Variants in AOPEP observed in about 807,000 individuals in gnomAD.
AOPEP encodes the protein aminopeptidase O (putative).
A neutral mutation model predicts 98.1 loss-of-function variants in AOPEP; 77 were observed. That is an observed-to-expected ratio of 0.78 (90% CI 0.65 to 0.95). The LOEUF is 0.95. AOPEP is among the 40% of genes least tolerant of loss of function. The pLI, the probability that AOPEP is intolerant of heterozygous loss-of-function variation, is 0.00. For synonymous variants in AOPEP, 346 were observed against 365.3 expected (o/e 0.95, Z 0.60); for missense variants, 1,024 against 1,024.7 (o/e 1.00, Z 0.01).
At chr9:95,092,291 A>G in the AOPEP span, among the ~76,000 whole-genome samples, 1 of 152,054 alleles carries the variant, frequency 6.6e-6, no homozygotes, top group South Asian at 2.1e-4. Flanking sequence ...GAGCTGCTGT[A>G]AAGACCAGAG....
intron 5 of AOPEP, among the ~76,000 whole-genome samples, chr9:94,815,538 T>C (rs766006298): frequency 2.6e-5 from 4 of 152,122 alleles, no homozygotes; most frequent in Non-Finnish European, 2.9e-5. Flanking sequence ...GCCTCAGTTA[T>C]GGCCATTATG....
intron 1 of AOPEP, among the ~76,000 whole-genome samples, chr9:94,747,255 T>C (rs1200582741): frequency 6.6e-6 from 1 of 152,218 alleles, no homozygotes; most frequent in African/African-American, 2.4e-5. Context: ...CATGTGGTAA[T>C]CCTGCAAAGT....
chr9:94,976,786 C>T (rs1203007492), intron 10 of AOPEP, among the ~76,000 whole-genome samples: 1 of 152,100 alleles, frequency 6.6e-6, no homozygotes, highest in Non-Finnish European at 1.5e-5. Context: ...CCCACCTCAG[C>T]CTCCCAAATA....
chr9:94,899,703 T>C (rs1456062466), intron 5 of AOPEP, among the ~76,000 whole-genome samples: 1 of 151,814 alleles, frequency 6.6e-6, no homozygotes, highest in Non-Finnish European at 1.5e-5. Flanking sequence ...TGAGCCATGA[T>C]CGCACCACTG....
intron 6 of AOPEP, among the ~76,000 whole-genome samples, chr9:94,925,719 G>A (rs973257486): frequency 6.6e-6 from 1 of 152,228 alleles, no homozygotes; most frequent in Non-Finnish European, 1.5e-5. Flanking sequence ...AGTCCTGTGA[G>A]GAGAGGCCAC....
chr9:94,758,539 G>A (rs1837556126), intron 1 of AOPEP, among the ~76,000 whole-genome samples: 1 of 152,080 alleles, frequency 6.6e-6, no homozygotes, highest in South Asian at 2.1e-4. Flanking sequence ...GGAGGAGTTA[G>A]GATACAAAGG....
chr9:95,085,893 T>C (rs941923823), intron 16 of AOPEP: 5 of 1,203,506 alleles, frequency 4.2e-6, no homozygotes, highest in Admixed American at 3.1e-5. Flanking sequence ...GAGCTCCTGT[T>C]GTTCTGGGCG....
In AOPEP at chr9:94,945,972, T is replaced by C. The variant is rs183185130; in HGVS notation, c.1662-9205T>C. On this transcript the variant is annotated intron_variant, in intron 7 of 16. Transcript: ENST00000375315. The stretch of plus-strand genomic sequence containing the variant: ...TATGGCTGAGTCACTATGATCACCT[T>C]AACCCTGATAGATGAACCCAGCTTA... 4.5e-4 allele frequency among the ~76,000 whole-genome samples: 69 copies of C among 152,302 alleles called. No homozygotes were observed. The South Asian group carries it at 7.7e-3, about 17-fold the overall frequency.
chr9:95,134,024 T>C, the AOPEP span, among the ~76,000 whole-genome samples: 5 of 152,224 alleles, frequency 3.3e-5, no homozygotes, highest in East Asian at 1.9e-4. Flanking sequence ...TCAGTCTTAA[T>C]ATACACGTCT....
At chr9:94,891,404 T>C (rs1398118617) in intron 5 of AOPEP, among the ~76,000 whole-genome samples, 1 of 152,250 alleles carries the variant, frequency 6.6e-6, no homozygotes, top group Non-Finnish European at 1.5e-5. Flanking sequence ...TTATATTTAA[T>C]GTAATTATGA....
At chr9:94,814,383 T>G (rs1303375050) in intron 5 of AOPEP, among the ~76,000 whole-genome samples, 1 of 152,220 alleles carries the variant, frequency 6.6e-6, no homozygotes, top group Admixed American at 6.5e-5. Flanking sequence ...AGGTATTTAA[T>G]TTTTGGTTTT....
intron 1 of AOPEP, among the ~76,000 whole-genome samples, chr9:94,737,086 T>A (rs543795298): frequency 6.6e-6 from 1 of 152,100 alleles, no homozygotes; most frequent in African/African-American, 2.4e-5. Context: ...TTTTGTTGGG[T>A]TATAAGTAGG....
chr9:95,150,069 C>T, the AOPEP span: 1 of 1,614,108 alleles, frequency 6.2e-7, no homozygotes, highest in Non-Finnish European at 8.5e-7. Flanking sequence ...ACAGGGACGC[C>T]ACTCGCTCGG....
chr9:94,847,302 G>A (rs1230924231), intron 5 of AOPEP, among the ~76,000 whole-genome samples: 6 of 152,184 alleles, frequency 3.9e-5, no homozygotes, highest in Admixed American at 3.9e-4. Flanking sequence ...GGATATTGTG[G>A]AGAAGCTCTT....
intron 2 of AOPEP, among the ~76,000 whole-genome samples, chr9:94,766,468 C>A (rs551245694): frequency 6.6e-6 from 1 of 152,276 alleles, no homozygotes; most frequent in African/African-American, 2.4e-5. Context: ...ACCCAGGAGG[C>A]GGAGCTTGCA....
the AOPEP span, among the ~76,000 whole-genome samples, chr9:95,125,788 G>T: frequency 1.3e-5 from 2 of 152,190 alleles, no homozygotes; most frequent in African/African-American, 4.8e-5. Flanking sequence ...TGCAGCCTCT[G>T]CTGCTGTGTG....
Position 94,792,824 on chromosome 9 carries a change from G to A in AOPEP, c.1024G>A (p.Ala342Thr). 4.3e-6 allele frequency: 7 copies of A among 1,613,590 alleles called. No homozygotes were observed. The highest frequency in any genetic ancestry group is 5.9e-6 in the Non-Finnish European group (7 of 1,179,706). ...AATGCCAGCCTCCACCTTCACAATT[G>A]CAGTGGGATGCTGGACAGAAATGAA... ...MPMPASTFTI[A>T]VGCWTEMKME... The change falls in exon 4 of 17, where the codon GCA (alanine) becomes ACA (threonine). Residue 342 changes from alanine to threonine, a missense_variant. Physicochemically the swap from Ala to Thr is moderately conservative, Grantham distance 58. Around this residue, in one of 3 missense-constraint regions of AOPEP, gnomAD observed 440 missense variants for 433.8 expected, o/e 1.01. Coordinates refer to ENST00000375315, the MANE Select transcript of AOPEP (RefSeq NM_001193329.3).
intron 11 of AOPEP, among the ~76,000 whole-genome samples, chr9:94,994,471 TA>T (rs1199423971): frequency 2.6e-5 from 4 of 152,232 alleles, no homozygotes; most frequent in Non-Finnish European, 5.9e-5. Flanking sequence ...CACAACTCCG[TA>T]AGACAGACAT....
intron 5 of AOPEP, among the ~76,000 whole-genome samples, chr9:94,856,041 A>G (rs1233899117): frequency 6.6e-6 from 1 of 152,190 alleles, no homozygotes; most frequent in Non-Finnish European, 1.5e-5. Flanking sequence ...TACTGAGGCC[A>G]CAAAGCAGCT....
Sources: allele counts gnomAD v4.1 joint callset (sites outside exome capture counted in the v4.1 genomes callset), GRCh38; gene constraint gnomAD v4.1.1; regional missense constraint gnomAD v4.1.1; transcripts MANE v1.5; gene names NCBI Gene and HGNC (gene_info 2026-07-23, HGNC 2026-07-21).